The following PDRG1 variants were observed in gnomAD, a reference collection of about 807,000 sequenced individuals.
The protein encoded by PDRG1 is p53 and DNA damage regulated 1, also known as p53 and DNA damage-regulated protein 1.
A neutral mutation model predicts 18.4 loss-of-function variants in PDRG1; 14 were observed. The observed-to-expected ratio is 0.76, with a 90% CI of 0.50 to 1.19. The LOEUF (loss-of-function observed/expected upper bound fraction) is 1.19, where lower values mean the gene tolerates loss of function less well. Among genes scored for constraint, PDRG1 ranks in the 50% most tolerant of loss-of-function variants. PDRG1 has a pLI of 0.00. For synonymous variants in PDRG1, 65 were observed against 60.9 expected (o/e 1.07, Z -0.31); for missense variants, 177 against 160.1 (o/e 1.11, Z -0.57).
chr20:31,944,612 C>G lies in PDRG1; in HGVS notation c.*1195G>C, dbSNP rs2064288146. 6.6e-6 allele frequency: 1 copy of G among 152,166 alleles called. No homozygotes were observed. The highest frequency in any genetic ancestry group is 2.4e-5 in the African/African-American group (1 of 41,426). The allele number at this position is 152,166 out of a possible 1,614,324, so 9.4% of individuals were successfully genotyped here. A position where few individuals can be genotyped will look rare whatever the true frequency, so the allele number is the denominator to read the frequency against. On this transcript the variant is annotated 3_prime_UTR_variant, in exon 5 of 5. Transcript: ENST00000202017. ...TTGATTATAGTTGTATGGTATTGCA[C>G]TATCTGGAGCTAACACCTGTGACCC...
rs2064293141 is a variant in PDRG1, at chr20:31,944,767, A to G, written c.*1040T>C. 1 of 152,226 alleles carries G rather than the reference A, an allele frequency of 6.6e-6. No individual in the cohort carries two copies. 9.4% of individuals were successfully genotyped at this position (152,226 alleles called of 1,614,324 possible). ...CCATGACAGCCTGTGTTTCTATGTAACTATGAGCCAGAGCCAAGGAGCGGG... is the reference window on the plus strand; with the variant it reads ...CCATGACAGCCTGTGTTTCTATGTAGCTATGAGCCAGAGCCAAGGAGCGGG... On this transcript the variant is annotated 3_prime_UTR_variant, in exon 5 of 5. Coordinates refer to ENST00000202017, the MANE Select transcript of PDRG1 (RefSeq NM_030815.3).
rs191652632 is a variant in PDRG1, at chr20:31,945,465, A to G, written c.*342T>C. 333 of 201,006 alleles carry G rather than the reference A, an allele frequency of 1.7e-3. 2 individuals are homozygous for G. The highest frequency in any genetic ancestry group is 7.5e-3 in the African/African-American group (322 of 43,114). 12.5% of individuals were successfully genotyped at this position (201,006 alleles called of 1,614,324 possible). ...CCCCTCCCTCCCTCCTTCCTTGCTC[A>G]GGGTCCATGTGAACAGCAGGCCATT... On this transcript the variant is annotated 3_prime_UTR_variant, in exon 5 of 5. Transcript: ENST00000202017.
intron 2 of PDRG1, 43 bp downstream of exon 2, chr20:31,950,269 C>T (rs376130476): frequency 3.1e-4 from 449 of 1,453,196 alleles, no homozygotes; most frequent in Non-Finnish European, 4.1e-4. Flanking sequence ...TAAAGGAAAA[C>T]GGAACAGGCC....
rs2064284757 is a variant in PDRG1, at chr20:31,944,525, T to C, written c.*1282A>G. 1 of 152,368 alleles carries C rather than the reference T, an allele frequency of 6.6e-6. No individual in the cohort carries two copies. Among genetic ancestry groups the C allele is most frequent in the African/African-American group, 2.4e-5 (1 of 41,454 alleles). 9.4% of individuals were successfully genotyped at this position (152,368 alleles called of 1,614,324 possible). ...TGCTTGCACAAAAATTATTAGCTTATAAGACACCAGCCTTCCCCTTGCTTT... is the reference window on the plus strand; with the variant it reads ...TGCTTGCACAAAAATTATTAGCTTACAAGACACCAGCCTTCCCCTTGCTTT... On this transcript the variant is annotated 3_prime_UTR_variant, in exon 5 of 5. Transcript: ENST00000202017.
rs923244186 is a variant in PDRG1, at chr20:31,944,836, C to G, written c.*971G>C. On this transcript the variant is annotated 3_prime_UTR_variant, in exon 5 of 5. Coordinates refer to ENST00000202017, the MANE Select transcript of PDRG1 (RefSeq NM_030815.3). ...CCCCTGCCATGCTGCCATTTGTTATCACCCGCCTGTCAAATCACAGGTTTA... is the reference window on the plus strand; with the variant it reads ...CCCCTGCCATGCTGCCATTTGTTATGACCCGCCTGTCAAATCACAGGTTTA... 1 of 152,190 alleles carries G rather than the reference C, an allele frequency of 6.6e-6. No individual in the cohort carries two copies. The highest frequency in any genetic ancestry group is 2.4e-5 in the African/African-American group (1 of 41,432). The allele number at this position is 152,190 out of a possible 1,614,324, so 9.4% of individuals were successfully genotyped here.
intron 3 of PDRG1, 85 bp downstream of exon 3, chr20:31,948,723 C>A: frequency 7.7e-7 from 1 of 1,297,496 alleles, no homozygotes; most frequent in Non-Finnish European, 1.1e-6. Flanking sequence ...CTTACGCTGC[C>A]TGAAGCCTGA....
In PDRG1 at chr20:31,944,877, C is replaced by G. The variant is rs2064296945; in HGVS notation, c.*930G>C. The stretch of plus-strand genomic sequence containing the variant: ...CACAGGTTTATTTCAAGGCAAGAAC[C>G]ATGTTCATAGGTTGTATTCTAAATG... On this transcript the variant is annotated 3_prime_UTR_variant, in exon 5 of 5. Coordinates refer to ENST00000202017, the MANE Select transcript of PDRG1 (RefSeq NM_030815.3). The G allele has an allele frequency of 6.6e-6, 1 of 152,242 alleles. No individual in the cohort carries two copies. Among genetic ancestry groups the G allele is most frequent in the African/African-American group, 2.4e-5 (1 of 41,456 alleles). The allele number at this position is 152,242 out of a possible 1,614,324, so 9.4% of individuals were successfully genotyped here. A position where few individuals can be genotyped will look rare whatever the true frequency, so the allele number is the denominator to read the frequency against.
chr20:31,951,820 G>A lies in PDRG1; in HGVS notation c.87+55C>T, dbSNP rs953409238. ...CCAGGTCAACTCACTGCGACCCCGCGCGCTTTCCCACGGCGCCGGCCGCCA... is the reference window on the plus strand; with the variant it reads ...CCAGGTCAACTCACTGCGACCCCGCACGCTTTCCCACGGCGCCGGCCGCCA... On this transcript the variant is annotated intron_variant, in intron 1 of 4. Transcript: ENST00000202017. 3 of 1,512,980 alleles carry A rather than the reference G, an allele frequency of 2.0e-6. 1 individual carries two copies. Among genetic ancestry groups the A allele is most frequent in the Non-Finnish European group, 2.7e-6 (3 of 1,131,924 alleles). The allele number at this position is 1,512,980 out of a possible 1,614,324, so 93.7% of individuals were successfully genotyped here.
At chr20:31,946,721 T>TA in intron 3 of PDRG1, 145 bp from the exon 4 acceptor site, 1 of 705,826 alleles carries the variant, frequency 1.4e-6, no homozygotes, top group South Asian at 1.7e-5. Context: ...GAGGAAGGAT[T>TA]AAAGTCTAGA....
At chr20:31,950,459 G>A (rs1176209443) in intron 1 of PDRG1, 72 bp from the exon 2 acceptor site, 2 of 1,162,622 alleles carry the variant, frequency 1.7e-6, no homozygotes, top group Non-Finnish European at 2.6e-6. Context: ...ACAGACAAGG[G>A]TTGCAGAGGC....
chr20:31,946,349 C>T, intron 4 of PDRG1, 147 bp downstream of exon 4: 1 of 724,548 alleles, frequency 1.4e-6, no homozygotes, highest in East Asian at 2.5e-5. Flanking sequence ...GCAGCTACAA[C>T]CAACCACTGT....
chr20:31,945,640 C>A lies in PDRG1; in HGVS notation c.*167G>T, dbSNP rs899116191. Reference sequence around the variant, plus strand: ...AGCCAGACAGGCTGAAGGTTCCCTCCTGCCATCACAGAGTAGCCAAGCACT... The same window carrying A: ...AGCCAGACAGGCTGAAGGTTCCCTCATGCCATCACAGAGTAGCCAAGCACT... On this transcript the variant is annotated 3_prime_UTR_variant, in exon 5 of 5. Transcript: ENST00000202017. The A allele has an allele frequency of 3.9e-5, 21 of 536,554 alleles. No individual in the cohort carries two copies. The highest frequency in any genetic ancestry group is 6.2e-5 in the Non-Finnish European group (19 of 306,080). The allele number at this position is 536,554 out of a possible 1,614,324, so 33.2% of individuals were successfully genotyped here. A position where few individuals can be genotyped will look rare whatever the true frequency, so the allele number is the denominator to read the frequency against.
rs2064286193 is a variant in PDRG1 at position 31,944,554 on chromosome 20, C to T, written c.*1253G>A. On this transcript the variant is annotated 3_prime_UTR_variant, in exon 5 of 5. Coordinates refer to ENST00000202017, the MANE Select transcript of PDRG1 (RefSeq NM_030815.3). ...ACACCAGCCTTCCCCTTGCTTTCCT[C>T]ACTTGATGTATCTTGGAGCTTGTTC... 1 of 152,334 alleles carries T rather than the reference C, an allele frequency of 6.6e-6. No homozygotes were observed. The highest frequency in any genetic ancestry group is 1.5e-5 in the Non-Finnish European group (1 of 68,138). 9.4% of individuals were successfully genotyped at this position (152,334 alleles called of 1,614,324 possible). A position where few individuals can be genotyped will look rare whatever the true frequency, so the allele number is the denominator to read the frequency against.
chr20:31,944,395 T>C lies in PDRG1; in HGVS notation c.*1412A>G, dbSNP rs1047605554. 1 of 155,060 alleles carries C rather than the reference T, an allele frequency of 6.4e-6. No individual in the cohort carries two copies. The highest frequency in any genetic ancestry group is 2.4e-5 in the African/African-American group (1 of 41,478). 9.6% of individuals were successfully genotyped at this position (155,060 alleles called of 1,614,324 possible). A position where few individuals can be genotyped will look rare whatever the true frequency, so the allele number is the denominator to read the frequency against. ...CATTTTAAAATAAGCAATATATTCATACGGTTTAAAATCCAAAGTTTACAA... is the reference window on the plus strand; with the variant it reads ...CATTTTAAAATAAGCAATATATTCACACGGTTTAAAATCCAAAGTTTACAA... On this transcript the variant is annotated 3_prime_UTR_variant, in exon 5 of 5. Transcript: ENST00000202017.
chr20:31,950,130 A>T (rs1025676750), intron 2 of PDRG1, among the ~76,000 whole-genome samples, 182 bp downstream of exon 2: 2 of 152,208 alleles, frequency 1.3e-5, no homozygotes, highest in Non-Finnish European at 2.9e-5. Context: ...CAAAATCCTG[A>T]ACCACAGTCT....
At chr20:31,950,276 G>C (rs2064344003) in intron 2 of PDRG1, 36 bp downstream of exon 2, 2 of 1,493,188 alleles carry the variant, frequency 1.3e-6, no homozygotes, top group African/African-American at 1.4e-5. Context: ...AAACGGAACA[G>C]GCCTCCAGGG....
At chr20:31,947,034 TG>T (rs1330065442) in intron 3 of PDRG1, among the ~76,000 whole-genome samples, 1 of 152,232 alleles carries the variant, frequency 6.6e-6, no homozygotes, top group East Asian at 1.9e-4. Context: ...TGTGTAAACA[TG>T]TGACGTAAAC....
At position 31,944,992 on chromosome 20, in the gene PDRG1, T is replaced by C. The variant is rs542559175; in HGVS notation, c.*815A>G. 6.6e-6 allele frequency: 1 copy of C among 152,350 alleles called. No homozygotes were observed. The highest frequency in any genetic ancestry group is 1.9e-4 in the East Asian group (1 of 5,182). 9.4% of individuals were successfully genotyped at this position (152,350 alleles called of 1,614,324 possible). ...ATTCAGCTAACATTTATTGAGCCCT[T>C]AATGAACACATAAGAGTTTTGACTT... is the stretch of plus-strand genomic sequence containing the variant. On this transcript the variant is annotated 3_prime_UTR_variant, in exon 5 of 5. Coordinates refer to ENST00000202017, the MANE Select transcript of PDRG1 (RefSeq NM_030815.3).
In PDRG1 at chr20:31,951,916, C is replaced by T. The variant is rs375829085; in HGVS notation, c.46G>A (p.Val16Met). 5.6e-6 allele frequency: 9 copies of T among 1,595,794 alleles called. No individual in the cohort carries two copies. Among genetic ancestry groups the T allele is most frequent in the African/African-American group, 2.7e-5 (2 of 73,916 alleles). ...AERVLRYLVE[V>M]EELAEEVLAD... ...AGCACCTCCTCGGCGAGCTCCTCCA[C>T]TTCTACAAGGTACCGCAGCACTCGC... Residue 16 changes from valine (V) to methionine (M), a missense_variant, in exon 1 of 5, where the codon GTG (valine) becomes ATG (methionine). By Grantham distance (21) the Val-to-Met change is conservative. Coordinates refer to ENST00000202017, the MANE Select transcript of PDRG1 (RefSeq NM_030815.3).
Sources: gnomAD v4.1 joint callset for allele counts (sites outside exome capture counted in the v4.1 genomes callset) on GRCh38, gnomAD v4.1.1 for gene constraint, MANE v1.5 for transcripts, NCBI Gene and HGNC (gene_info 2026-07-23, HGNC 2026-07-21) for gene names.